The following MPPED1 variants were observed in gnomAD, a reference collection of about 807,000 sequenced individuals.
MPPED1 encodes the protein metallophosphoesterase domain containing 1.
MPPED1 carries 16 observed loss-of-function variants against 36.2 expected under a neutral mutation model. The ratio of observed to expected loss-of-function variants is 0.44; its 90% CI spans 0.30 to 0.67. The LOEUF is 0.67. Ranked by LOEUF, MPPED1 falls within the 30% of genes least tolerant of loss-of-function variation. The probability of loss-of-function intolerance (pLI) is 0.10; values close to 1 mark genes in which losing one functional copy is unlikely to be tolerated. For missense variants in MPPED1, 307 were observed against 453.4 expected (o/e 0.68, Z 2.93); for synonymous variants, 199 against 191.3 (o/e 1.04, Z -0.33).
intron 6 of MPPED1, among the ~76,000 whole-genome samples, chr22:43,503,862 G>A (rs1932769822): frequency 6.6e-6 from 1 of 152,168 alleles, no homozygotes; most frequent in Non-Finnish European, 1.5e-5. Context: ...GGACTCCAAA[G>A]AATAGGTCCT....
At chr22:43,418,404 C>T (rs1272602142) in intron 1 of MPPED1, 4 of 325,578 alleles carry the variant, frequency 1.2e-5, no homozygotes, top group East Asian at 1.7e-4. Flanking sequence ...CACACATCTT[C>T]GGACAGAGAG....
chr22:43,449,764 C>T (rs953980898), intron 3 of MPPED1, among the ~76,000 whole-genome samples: 16 of 152,176 alleles, frequency 1.1e-4, no homozygotes, highest in African/African-American at 1.9e-4. Flanking sequence ...GGTGACTTAG[C>T]CTCCCTGGAC....
intron 5 of MPPED1, among the ~76,000 whole-genome samples, chr22:43,499,097 G>GTGATGGTGA (rs1932527353): frequency 7.0e-6 from 1 of 143,064 alleles, no homozygotes; most frequent in Non-Finnish European, 1.6e-5. Context: ...GGTGGTGGTG[G>GTGATGGTGA]TGGAGGTGGT....
chr22:43,469,493 A>G (rs1324430108), intron 3 of MPPED1, among the ~76,000 whole-genome samples: 1 of 152,250 alleles, frequency 6.6e-6, no homozygotes, highest in Non-Finnish European at 1.5e-5. Context: ...GGCGATGGGA[A>G]CACTGGAAAA....
chr22:43,496,053 T>A (rs1415968652), intron 4 of MPPED1, among the ~76,000 whole-genome samples: 1 of 82,870 alleles, frequency 1.2e-5, no homozygotes, highest in African/African-American at 4.5e-5. Flanking sequence ...GTGGAGGTGG[T>A]GATGGTGGAG....
At position 43,502,732 on chromosome 22, in the gene MPPED1, A is replaced by G. The variant is rs1263282018; in HGVS notation, c.837A>G (p.Leu279=). ...TGCAGAGGCGCGTCCAGCCGCGGTT[A>G]CATGTCTTTGGCCACATCCACGAAG... ...NTVQRRVQPR[L]HVFGHIHEGY... The change falls in exon 6 of 7, where the codon TTA becomes TTG. Residue 279 remains leucine, a synonymous_variant. Coordinates refer to ENST00000443721, the MANE Select transcript of MPPED1 (RefSeq NM_001044370.2). The surrounding 1 kb of genome is among the most constrained non-coding windows in gnomAD (Gnocchi z 5.5). The G allele has an allele frequency of 1.2e-6, 2 of 1,613,168 alleles. No individual in the cohort carries two copies. The highest frequency in any genetic ancestry group is 1.7e-6 in the Non-Finnish European group (2 of 1,179,872).
intron 2 of MPPED1, among the ~76,000 whole-genome samples, chr22:43,425,594 T>C (rs1929439310): frequency 6.6e-6 from 1 of 152,206 alleles, no homozygotes; most frequent in East Asian, 1.9e-4. Context: ...CCGATCCCTT[T>C]CTTGGCATTT....
chr22:43,422,109 C>T (rs11090162), intron 1 of MPPED1, among the ~76,000 whole-genome samples: 22,263 of 152,168 alleles, frequency 0.15, 1,846 homozygotes, highest in African/African-American at 0.19. Context: ...AGATCCAGGC[C>T]TCTCCGAGGA....
chr22:43,481,614 C>T (rs919190909), intron 4 of MPPED1, among the ~76,000 whole-genome samples: 1 of 152,298 alleles, frequency 6.6e-6, no homozygotes, highest in Middle Eastern at 3.4e-3. Flanking sequence ...TATTCTCCTG[C>T]GATTGAACCT....
At chr22:43,499,915 AGGT>A (rs1206955634) in intron 5 of MPPED1, among the ~76,000 whole-genome samples, 5 of 6,918 alleles carry the variant, frequency 7.2e-4, no homozygotes, top group African/African-American at 1.2e-3. Context: ...ATGGTGATGG[AGGT>A]GGTGGTGGTG....
intron 3 of MPPED1, among the ~76,000 whole-genome samples, chr22:43,456,551 G>T (rs1235121472): frequency 1.3e-5 from 2 of 152,188 alleles, no homozygotes; most frequent in East Asian, 3.8e-4. Flanking sequence ...CTGGGGTGCA[G>T]TGGTGCAATT....
chr22:43,447,883 A>ATATATATATATATATATATTTT (rs1321289636), intron 3 of MPPED1, among the ~76,000 whole-genome samples: 11 of 67,702 alleles, frequency 1.6e-4, no homozygotes, highest in African/African-American at 2.7e-4. Flanking sequence ...ATATATATAT[A>ATATATATATATATATATATTTT]TTTTTTTTTT....
chr22:43,497,628 G>C (rs1417233818), intron 4 of MPPED1, among the ~76,000 whole-genome samples: 1 of 151,944 alleles, frequency 6.6e-6, no homozygotes, highest in Non-Finnish European at 1.5e-5. Context: ...CAGGCTACCA[G>C]GCTGGGATTG....
intron 5 of MPPED1, among the ~76,000 whole-genome samples, chr22:43,501,606 A>T (rs1014773007): frequency 6.6e-6 from 1 of 151,812 alleles, no homozygotes; most frequent in Non-Finnish European, 1.5e-5. Context: ...CACAACACAC[A>T]CTCCAGAAGT....
intron 3 of MPPED1, among the ~76,000 whole-genome samples, chr22:43,469,850 T>C (rs139183427): frequency 6.6e-6 from 1 of 152,218 alleles, no homozygotes; most frequent in Non-Finnish European, 1.5e-5. Flanking sequence ...AGTTCACCTA[T>C]CCACCCACCC....
intron 2 of MPPED1, among the ~76,000 whole-genome samples, chr22:43,434,443 G>T (rs947902309): frequency 6.6e-5 from 10 of 152,154 alleles, no homozygotes; most frequent in Admixed American, 4.6e-4. Context: ...TGTCCTCATC[G>T]CCCGACCACA....
chr22:43,432,513 GAAAGGGAGGAGAGAGAT>G (rs1929747630), intron 2 of MPPED1, among the ~76,000 whole-genome samples: 1 of 108,358 alleles, frequency 9.2e-6, no homozygotes, highest in African/African-American at 3.2e-5. Flanking sequence ...GAGGGAAAGA[GAAAGGGAGGAGAGAGAT>G]AAAGGGAGGA....
rs116883201 is a variant in MPPED1 at position 43,442,192 on chromosome 22, T to A, written c.406+6977T>A. On this transcript the variant is annotated intron_variant, in intron 3 of 6. Coordinates refer to ENST00000443721, the MANE Select transcript of MPPED1 (RefSeq NM_001044370.2). ...TGGGGGTGCGGAAACCAACCTTGGATGCGGATGGGAAGGTCCCCATCCCAG... is the reference window on the plus strand; with the variant it reads ...TGGGGGTGCGGAAACCAACCTTGGAAGCGGATGGGAAGGTCCCCATCCCAG... Among the ~76,000 whole-genome samples, 570 of 152,132 alleles carry A rather than the reference T, an allele frequency of 3.7e-3. 5 individuals are homozygous for A. Among genetic ancestry groups the A allele is most frequent in the Non-Finnish European group, 5.8e-3 (397 of 67,978 alleles).
chr22:43,440,290 T>A (rs190833731), intron 3 of MPPED1, among the ~76,000 whole-genome samples: 1 of 152,328 alleles, frequency 6.6e-6, no homozygotes, highest in East Asian at 1.9e-4. Flanking sequence ...TGGGAAGTGA[T>A]CTGAGAAGAC....
Sources: gnomAD v4.1 joint callset for allele counts (sites outside exome capture counted in the v4.1 genomes callset) on GRCh38, gnomAD v4.1.1 for gene constraint, Gnocchi (gnomAD v3.1) non-coding constraint, MANE v1.5 for transcripts, NCBI Gene and HGNC (gene_info 2026-07-23, HGNC 2026-07-21) for gene names.